The following ELAVL4 variants were observed in gnomAD, a reference collection of about 807,000 sequenced individuals.
ELAVL4 encodes ELAV-like protein 4.
ELAVL4 carries 1 observed loss-of-function variant against 35.6 expected under a neutral mutation model. That is an observed-to-expected ratio of 0.03 (90% confidence interval 0.01 to 0.13). The LOEUF (loss-of-function observed/expected upper bound fraction) is 0.13, where lower values mean the gene tolerates loss of function less well. ELAVL4 is among the 10% of genes least tolerant of loss of function. The pLI, the probability that ELAVL4 is intolerant of heterozygous loss-of-function variation, is 1.00. For missense variants in ELAVL4, 267 were observed against 464.9 expected, an observed-to-expected ratio of 0.57 and a Z score of 3.91; for synonymous variants, 156 against 171.0, an observed-to-expected ratio of 0.91 and a Z score of 0.69.
chr1:50,146,634 A>T (rs1051287084), intron 2 of ELAVL4, among the ~76,000 whole-genome samples: 19 of 152,342 alleles, frequency 1.2e-4, no homozygotes, highest in African/African-American at 4.1e-4. Context: ...GCACTGGAAC[A>T]TCTATCCTTA....
intron 1 of ELAVL4, among the ~76,000 whole-genome samples, chr1:50,114,090 C>G (rs1357779136): frequency 2.6e-5 from 4 of 151,970 alleles, no homozygotes; most frequent in African/African-American, 4.8e-5. Flanking sequence ...TGTTAGTAAC[C>G]AAACACCTTT....
Position 50,164,986 on chromosome 1 carries a change from C to T in ELAVL4, c.251-12103C>T, listed in dbSNP as rs149344873. On this transcript the variant is annotated intron_variant, in intron 2 of 6. Transcript: ENST00000371824. ...TGTTCCCATGTTGCTCCCAGTCTAG[C>T]GGGGAACAGAGACACATTACCAGAC... 5.8e-4 allele frequency among the ~76,000 whole-genome samples: 88 copies of T among 152,178 alleles called. 1 individual carries two copies. Among genetic ancestry groups the T allele is most frequent in the African/African-American group, 2.0e-3 (81 of 41,510 alleles).
At chr1:50,114,100 T>C (rs1485309596) in intron 1 of ELAVL4, among the ~76,000 whole-genome samples, 1 of 152,116 alleles carries the variant, frequency 6.6e-6, no homozygotes, top group Non-Finnish European at 1.5e-5. Flanking sequence ...CAAACACCTT[T>C]CTTTAGCTGC....
chr1:50,146,516 A>T (rs1402476883), intron 2 of ELAVL4, among the ~76,000 whole-genome samples: 1 of 152,156 alleles, frequency 6.6e-6, no homozygotes, highest in East Asian at 1.9e-4. Context: ...AAATAAATCT[A>T]TTATTGTAAG....
chr1:50,070,203 G>A (rs933103160), intron 1 of ELAVL4, among the ~76,000 whole-genome samples: 4 of 152,220 alleles, frequency 2.6e-5, no homozygotes, highest in Non-Finnish European at 5.9e-5. Context: ...GAAGTGGATA[G>A]CAGTTCTTGG....
chr1:50,177,305 A>G, intron 3 of ELAVL4, 113 bp downstream of exon 3: 2 of 790,186 alleles, frequency 2.5e-6, no homozygotes, highest in East Asian at 5.2e-5. Flanking sequence ...TGATTTATTC[A>G]AAGAACATTT....
upstream of ELAVL4, chr1:50,106,009 T>C (rs969471871): frequency 8.5e-5 from 27 of 318,428 alleles, no homozygotes; most frequent in South Asian, 3.9e-4. Flanking sequence ...TTCTTTTTTT[T>C]CCCTATATTT....
chr1:50,158,449 A>G (rs935471741), intron 2 of ELAVL4, among the ~76,000 whole-genome samples: 7 of 152,050 alleles, frequency 4.6e-5, no homozygotes, highest in African/African-American at 1.4e-4. Flanking sequence ...GTGTGTACCT[A>G]TGAGAGTTTG....
chr1:50,072,155 A>G (rs1163324571), intron 1 of ELAVL4, among the ~76,000 whole-genome samples: 1 of 152,192 alleles, frequency 6.6e-6, no homozygotes, highest in African/African-American at 2.4e-5. Flanking sequence ...AGTGAGTAAG[A>G]ATCTAGACTC....
intron 1 of ELAVL4, among the ~76,000 whole-genome samples, chr1:50,138,062 T>C (rs1379582632): frequency 1.3e-5 from 2 of 152,176 alleles, no homozygotes; most frequent in African/African-American, 4.8e-5. Flanking sequence ...GATAAAAGTG[T>C]GGAGGGGCCG....
At chr1:50,049,154 G>A (rs964987226) in intron 1 of ELAVL4, among the ~76,000 whole-genome samples, 19 of 152,184 alleles carry the variant, frequency 1.2e-4, no homozygotes, top group East Asian at 9.6e-4. Flanking sequence ...TCCCACTGGG[G>A]ACTTAAATAC....
chr1:50,193,968 C>T lies in ELAVL4; in HGVS notation c.508+50C>T, dbSNP rs201654191. 14 of 1,598,206 alleles carry T rather than the reference C, an allele frequency of 8.8e-6. No homozygotes were observed. The African/African-American group carries it at 1.9e-4, about 21-fold the overall frequency. On this transcript the variant is annotated intron_variant, in intron 4 of 6. Coordinates refer to ENST00000371824, the MANE Select transcript of ELAVL4 (RefSeq NM_001144774.3). ...TTCCTTGTATATCAATGTCATCAGC[C>T]CTGTTACTCATAAGAGCAGAAGGCT...
At chr1:50,174,873 C>T (rs1679714906) in intron 2 of ELAVL4, 1 of 152,150 alleles carries the variant, frequency 6.6e-6, no homozygotes, top group African/African-American at 2.4e-5. Context: ...AGCATGATTC[C>T]TCCACATATA....
intron 2 of ELAVL4, among the ~76,000 whole-genome samples, chr1:50,155,204 T>A (rs1675520307): frequency 8.4e-6 from 1 of 119,188 alleles, no homozygotes; most frequent in African/African-American, 3.3e-5. Context: ...CCCCAGAGTA[T>A]GATGTTCCCC....
intron 1 of ELAVL4, among the ~76,000 whole-genome samples, chr1:50,083,216 C>T (rs1250991327): frequency 6.6e-6 from 1 of 152,048 alleles, no homozygotes; most frequent in African/African-American, 2.4e-5. Context: ...AACACTTTAC[C>T]TGACTAATAT....
chr1:50,116,943 G>A (rs1048904677), intron 1 of ELAVL4, among the ~76,000 whole-genome samples: 1 of 152,084 alleles, frequency 6.6e-6, no homozygotes, highest in African/African-American at 2.4e-5. Flanking sequence ...GATTCTTACT[G>A]TAACACCAAA....
At chr1:50,101,112 T>G (rs1314836038), upstream of ELAVL4, among the ~76,000 whole-genome samples, 1 of 152,036 alleles carries the variant, frequency 6.6e-6, no homozygotes, top group African/African-American at 2.4e-5. Flanking sequence ...CAGCCACCCC[T>G]AGTTGAATCA....
At chr1:50,200,332 C>G (rs923916609) in intron 6 of ELAVL4, among the ~76,000 whole-genome samples, 5 of 152,018 alleles carry the variant, frequency 3.3e-5, no homozygotes, top group African/African-American at 1.2e-4. Flanking sequence ...TGAAATTTCC[C>G]AAGCACTGGC....
intron 4 of ELAVL4, among the ~76,000 whole-genome samples, chr1:50,195,013 G>T (rs948388478): frequency 3.3e-5 from 5 of 152,180 alleles, no homozygotes; most frequent in African/African-American, 1.2e-4. Flanking sequence ...AAGAAGTCTG[G>T]ACTTTATCTG....
Sources: gnomAD v4.1 joint callset for allele counts (sites outside exome capture counted in the v4.1 genomes callset) on GRCh38, gnomAD v4.1.1 for gene constraint, MANE v1.5 for transcripts, NCBI Gene and HGNC (gene_info 2026-07-23, HGNC 2026-07-21) for gene names.